The following EPHA3 variants were observed in gnomAD, a reference collection of about 807,000 sequenced individuals.
The protein encoded by EPHA3 is EPH receptor A3.
Under a neutral mutation model 107.1 loss-of-function variants are expected in EPHA3, and 42 were observed. That is an observed-to-expected ratio of 0.39 (90% CI 0.31 to 0.51). The LOEUF is 0.51. Among genes scored for constraint, EPHA3 ranks in the 20% least tolerant of loss-of-function variants. EPHA3 has a pLI of 0.78. For synonymous variants in EPHA3, 461 were observed against 424.8 expected (o/e 1.09, Z -1.05); for missense variants, 1,183 against 1,211.2 (o/e 0.98, Z 0.35).
intron 3 of EPHA3, among the ~76,000 whole-genome samples, chr3:89,275,399 G>A (rs1705782207): frequency 2.0e-5 from 3 of 151,918 alleles, no homozygotes; most frequent in Admixed American, 6.6e-5. Flanking sequence ...ACAACTATAC[G>A]TTCCCTAAAC....
intron 13 of EPHA3, among the ~76,000 whole-genome samples, chr3:89,434,371 C>A (rs976144392): frequency 6.6e-6 from 1 of 152,104 alleles, no homozygotes; most frequent in African/African-American, 2.4e-5. Context: ...TGGCTTGCCA[C>A]CACGCCTGGC....
rs1286499832 is a variant in EPHA3 at position 89,165,447 on chromosome 3, A to G, written c.153+38174A>G. The stretch of plus-strand genomic sequence containing the variant: ...TGCAAATATATTTCAAATTGGTTCA[A>G]TCATTCCATCCCCAATGCTATCACC... On this transcript the variant is annotated intron_variant, in intron 2 of 16. Coordinates refer to ENST00000336596, the MANE Select transcript of EPHA3 (RefSeq NM_005233.6). Among the ~76,000 whole-genome samples the G allele has an allele frequency of 2.0e-5, 3 of 152,338 alleles. No individual in the cohort carries two copies. The East Asian group carries it at 5.8e-4, about 29-fold the overall frequency.
At chr3:89,281,217 G>A (rs565035126) in intron 3 of EPHA3, among the ~76,000 whole-genome samples, 11 of 152,190 alleles carry the variant, frequency 7.2e-5, no homozygotes, top group African/African-American at 2.6e-4. Flanking sequence ...GTAGAGACGG[G>A]TTTCACTGTG....
intron 2 of EPHA3, among the ~76,000 whole-genome samples, chr3:89,182,360 G>T (rs1705459462): frequency 6.6e-6 from 1 of 151,816 alleles, no homozygotes; most frequent in African/African-American, 2.4e-5. Context: ...GCTATTCATT[G>T]TGGAGAGTAG....
chr3:89,164,024 T>C (rs902517283), intron 2 of EPHA3, among the ~76,000 whole-genome samples: 22 of 152,166 alleles, frequency 1.4e-4, no homozygotes, highest in African/African-American at 5.3e-4. Context: ...TACCATATTA[T>C]TTTCAAGGGA....
intron 2 of EPHA3, among the ~76,000 whole-genome samples, chr3:89,206,995 G>A (rs1339984830): frequency 6.6e-6 from 1 of 151,996 alleles, no homozygotes; most frequent in Non-Finnish European, 1.5e-5. Flanking sequence ...TGCCTATCTT[G>A]TATTTTAGAT....
intron 2 of EPHA3, among the ~76,000 whole-genome samples, chr3:89,186,103 C>G (rs886362580): frequency 6.6e-6 from 1 of 150,546 alleles, no homozygotes; most frequent in South Asian, 2.1e-4. Flanking sequence ...TGGTACATGT[C>G]TACTGTTTGT....
intron 1 of EPHA3, among the ~76,000 whole-genome samples, chr3:89,113,005 T>G (rs1468479128): frequency 1.3e-5 from 2 of 152,160 alleles, no homozygotes; most frequent in Admixed American, 1.3e-4. Flanking sequence ...GATGCAGGTG[T>G]CTCCTTTTGG....
At chr3:89,305,716 A>T (rs914190588) in intron 3 of EPHA3, among the ~76,000 whole-genome samples, 3 of 152,068 alleles carry the variant, frequency 2.0e-5, no homozygotes, top group Non-Finnish European at 4.4e-5. Context: ...GGCTGCTTCC[A>T]CTTTCACATT....
intron 3 of EPHA3, among the ~76,000 whole-genome samples, chr3:89,239,075 G>A (rs1384003741): frequency 2.6e-5 from 4 of 152,154 alleles, no homozygotes; most frequent in Admixed American, 2.0e-4. Flanking sequence ...CACACAGTAT[G>A]CGAGAGTGAT....
chr3:89,478,085 T>C (rs963087842), intron 16 of EPHA3, among the ~76,000 whole-genome samples: 2 of 152,214 alleles, frequency 1.3e-5, no homozygotes, highest in Non-Finnish European at 2.9e-5. Flanking sequence ...GACAGGAATA[T>C]ATGAACTAAT....
At chr3:89,159,497 G>A (rs1704877045) in intron 2 of EPHA3, among the ~76,000 whole-genome samples, 1 of 152,066 alleles carries the variant, frequency 6.6e-6, no homozygotes. Context: ...ACCACGACAA[G>A]GCTGTCAATT....
chr3:89,345,238 G>A (rs1210559128), intron 5 of EPHA3, among the ~76,000 whole-genome samples: 3 of 151,140 alleles, frequency 2.0e-5, no homozygotes, highest in African/African-American at 7.3e-5. Context: ...GGGGTTTGGA[G>A]GTCCACCTCT....
At chr3:89,454,518 C>A (rs1710059562) in intron 15 of EPHA3, among the ~76,000 whole-genome samples, 1 of 152,160 alleles carries the variant, frequency 6.6e-6, no homozygotes, top group Admixed American at 6.5e-5. Flanking sequence ...CTGACCTGGA[C>A]CACTGCAATA....
At chr3:89,133,790 T>C (rs541674255) in intron 2 of EPHA3, among the ~76,000 whole-genome samples, 25 of 152,250 alleles carry the variant, frequency 1.6e-4, no homozygotes, top group Admixed American at 5.2e-4. Flanking sequence ...AGTAATGGCT[T>C]CACCGGGCTT....
At chr3:89,313,363 T>C (rs1280647496) in intron 3 of EPHA3, among the ~76,000 whole-genome samples, 1 of 151,998 alleles carries the variant, frequency 6.6e-6, no homozygotes, top group East Asian at 1.9e-4. Flanking sequence ...GCTTTAGGTT[T>C]GCCATTTGCT....
chr3:89,199,246 C>T (rs1705912474), intron 2 of EPHA3, among the ~76,000 whole-genome samples: 2 of 152,228 alleles, frequency 1.3e-5, no homozygotes, highest in South Asian at 4.1e-4. Context: ...TCCCACTTTA[C>T]TGAGGTAATT....
rs191408481 is a variant in EPHA3 at position 89,235,069 on chromosome 3, A to C, written c.814+24549A>C. On this transcript the variant is annotated intron_variant, in intron 3 of 16. Coordinates refer to ENST00000336596, the MANE Select transcript of EPHA3 (RefSeq NM_005233.6). ...TCTCTCCCTCTTTCTTTCTTTCTTT[A>C]TTTCTCTTTTTTGTCTCAATATTTG... 1.8e-3 allele frequency among the ~76,000 whole-genome samples: 75 copies of C among 42,418 alleles called. 1 individual carries two copies. The highest frequency in any genetic ancestry group is 6.7e-3 in the African/African-American group (70 of 10,470). 27.8% of individuals were successfully genotyped at this position (42,418 alleles called of 152,430 possible).
chr3:89,191,464 G>A (rs1295462254), intron 2 of EPHA3, among the ~76,000 whole-genome samples: 3 of 151,586 alleles, frequency 2.0e-5, no homozygotes, highest in Non-Finnish European at 2.9e-5. Context: ...CCGCCACCAC[G>A]CCCGGCTAAT....
Sources: allele counts gnomAD v4.1 joint callset (sites outside exome capture counted in the v4.1 genomes callset), GRCh38; gene constraint gnomAD v4.1.1; transcripts MANE v1.5; gene names NCBI Gene and HGNC (gene_info 2026-07-23, HGNC 2026-07-21).